RBFOX1: variants seen among roughly 807,000 people sequenced by gnomAD.
The protein encoded by RBFOX1 is RNA binding fox-1 homolog 1, also known as RNA binding protein fox-1 homolog 1.
In RBFOX1, 8 loss-of-function variants were observed where a neutral mutation model predicts 57.7. The observed-to-expected ratio is 0.14, with a 90% CI of 0.08 to 0.25. The LOEUF is 0.25. Among genes scored for constraint, RBFOX1 ranks in the 10% least tolerant of loss-of-function variants. RBFOX1 has a pLI of 1.00. For synonymous variants in RBFOX1, 326 were observed against 222.4 expected, an observed-to-expected ratio of 1.47 and a Z score of -4.15; for missense variants, 611 against 548.5, an observed-to-expected ratio of 1.11 and a Z score of -1.14.
At position 7,304,205 on chromosome 16, in the gene RBFOX1, A is replaced by G; in HGVS notation, c.28-213942A>G. 3.5e-6 allele frequency: 3 copies of G among 859,508 alleles called. No homozygotes were observed. In the South Asian group the frequency reaches 1.8e-4, roughly 51 times the overall value. The allele number at this position is 859,508 out of a possible 1,614,324, so 53.2% of individuals were successfully genotyped here. On this transcript the variant is annotated intron_variant, in intron 4 of 15. Transcript: ENST00000550418. ...GGAGGAAAGAGGGGGAGAGAGACAG[A>G]GAGAGAGACAGAGAGAGAGAGAGAG...
chr16:7,220,888 A>G (rs1000215990), intron 4 of RBFOX1, among the ~76,000 whole-genome samples: 20 of 152,032 alleles, frequency 1.3e-4, no homozygotes, highest in African/African-American at 4.8e-4. Context: ...GACTCAGGAT[A>G]CTTCTGGGAC....
intron 1 of RBFOX1, among the ~76,000 whole-genome samples, chr16:6,229,885 G>A (rs575106959): frequency 2.6e-5 from 4 of 151,942 alleles, no homozygotes; most frequent in African/African-American, 4.8e-5. Flanking sequence ...GTAGCATATC[G>A]CATGTCTTAG....
At chr16:5,598,910 G>A in exon 3 of RBFOX1, 1 of 1,523,990 alleles carries the variant, frequency 6.6e-7, no homozygotes, top group East Asian at 2.5e-5. Flanking sequence ...AGGACTACAA[G>A]TCTGAAAATT....
At position 5,732,677 on chromosome 16, in the gene RBFOX1, A is replaced by G. The variant is rs560007475; in HGVS notation, c.318+133716A>G. Among the ~76,000 whole-genome samples, 9 of 152,306 alleles carry G rather than the reference A, an allele frequency of 5.9e-5. 1 individual carries two copies. In the South Asian group the frequency reaches 1.7e-3, roughly 28 times the overall value. On this transcript the variant is annotated intron_variant, in intron 3 of 19. Transcript: ENST00000641259. ...CTACCTTCTATGTAGTCTTTAGTTA[A>G]TCTAAGATCACATCTATCCATTTTT...
intron 1 of RBFOX1, among the ~76,000 whole-genome samples, chr16:6,050,739 G>T (rs1418238977): frequency 6.6e-6 from 1 of 151,966 alleles, no homozygotes; most frequent in African/African-American, 2.4e-5. Flanking sequence ...AGGATAGTCA[G>T]GGGGTATAGT....
Position 7,550,245 on chromosome 16 carries a change from C to T in RBFOX1, c.271-29532C>T, listed in dbSNP as rs565908674. On this transcript the variant is annotated intron_variant, in intron 5 of 15. Transcript: ENST00000550418. Reference sequence around the variant, plus strand: ...TACCCTTCTCCTGAGTGAGTTCCTCCAGAGTCTTTTTTTTTTTTGGCTGGG... The same window carrying T: ...TACCCTTCTCCTGAGTGAGTTCCTCTAGAGTCTTTTTTTTTTTTGGCTGGG... 5.1e-5 allele frequency among the ~76,000 whole-genome samples: 5 copies of T among 97,214 alleles called. No individual in the cohort carries two copies. The East Asian group carries it at 1.1e-3, about 21-fold the overall frequency. 63.8% of individuals were successfully genotyped at this position (97,214 alleles called of 152,430 possible). A position where few individuals can be genotyped will look rare whatever the true frequency, so the allele number is the denominator to read the frequency against.
At chr16:5,822,838 G>A (rs1351759240) in intron 3 of RBFOX1, among the ~76,000 whole-genome samples, 1 of 152,178 alleles carries the variant, frequency 6.6e-6, no homozygotes, top group Non-Finnish European at 1.5e-5. Flanking sequence ...GCTCTGCCAT[G>A]CACATCTTTG....
intron 3 of RBFOX1, among the ~76,000 whole-genome samples, chr16:5,856,604 T>TATATATATATATATA (rs776623035): frequency 8.8e-5 from 6 of 68,104 alleles, no homozygotes; most frequent in South Asian, 6.0e-4. Flanking sequence ...TATATATATA[T>TATATATATATATATA]AATCTTAGCC....
intron 1 of RBFOX1, among the ~76,000 whole-genome samples, chr16:5,465,851 C>T (rs585351): frequency 0.037 from 5,601 of 152,290 alleles, 216 homozygotes; most frequent in African/African-American, 0.097. Context: ...ATGTGGCTTT[C>T]TCCAGAATGG....
chr16:5,290,464 A>T (rs2063506252), intron 1 of RBFOX1, among the ~76,000 whole-genome samples: 1 of 152,158 alleles, frequency 6.6e-6, no homozygotes, highest in Non-Finnish European at 1.5e-5. Context: ...ATTGATCCTG[A>T]TGGTGGTTGC....
chr16:7,015,116 G>A (rs147757762), intron 3 of RBFOX1, among the ~76,000 whole-genome samples: 2 of 152,194 alleles, frequency 1.3e-5, no homozygotes, highest in African/African-American at 4.8e-5. Flanking sequence ...CTGAGACAGA[G>A]TTAAGGGTCA....
intron 1 of RBFOX1, among the ~76,000 whole-genome samples, chr16:6,117,275 C>T (rs1307648810): frequency 6.6e-6 from 1 of 151,380 alleles, no homozygotes; most frequent in African/African-American, 2.4e-5. Flanking sequence ...TGGAAGTATG[C>T]TAAACGTACA....
intron 4 of RBFOX1, among the ~76,000 whole-genome samples, chr16:5,983,141 G>T (rs2060207693): frequency 6.6e-6 from 1 of 152,166 alleles, no homozygotes; most frequent in African/African-American, 2.4e-5. Flanking sequence ...CATTCTCCCA[G>T]CTCTGCGTCC....
intron 3 of RBFOX1, among the ~76,000 whole-genome samples, chr16:5,687,059 T>C (rs116889016): frequency 6.6e-6 from 1 of 152,310 alleles, no homozygotes; most frequent in Non-Finnish European, 1.5e-5. Context: ...TCATATTGGC[T>C]AAGAATCAAA....
chr16:6,847,471 G>C (rs532852831), intron 3 of RBFOX1, among the ~76,000 whole-genome samples: 1 of 152,056 alleles, frequency 6.6e-6, no homozygotes, highest in Non-Finnish European at 1.5e-5. Context: ...GCCACAGGGG[G>C]TGGGCTGGAA....
intron 2 of RBFOX1, among the ~76,000 whole-genome samples, chr16:6,471,816 G>A (rs951409075): frequency 6.6e-6 from 1 of 152,176 alleles, no homozygotes; most frequent in South Asian, 2.1e-4. Flanking sequence ...TGTGTCTGGA[G>A]ATTCTAGCAG....
intron 3 of RBFOX1, among the ~76,000 whole-genome samples, chr16:6,906,406 C>T (rs1487301996): frequency 6.6e-6 from 1 of 151,966 alleles, no homozygotes; most frequent in East Asian, 1.9e-4. Context: ...ATAAACAATG[C>T]TGGAAGAAAA....
intron 13 of RBFOX1, among the ~76,000 whole-genome samples, chr16:7,668,074 A>G (rs2070003411): frequency 6.6e-6 from 1 of 152,152 alleles, no homozygotes; most frequent in Non-Finnish European, 1.5e-5. Flanking sequence ...CCTGCTCAAA[A>G]TGTTCTCCAT....
chr16:6,290,734 C>T (rs918845119), intron 1 of RBFOX1, among the ~76,000 whole-genome samples: 1 of 152,098 alleles, frequency 6.6e-6, no homozygotes, highest in Non-Finnish European at 1.5e-5. Context: ...GTAAAATGCA[C>T]AGTTTCAAAT....
Sources: allele counts gnomAD v4.1 joint callset (sites outside exome capture counted in the v4.1 genomes callset), GRCh38; gene constraint gnomAD v4.1.1; transcripts MANE v1.5; gene names NCBI Gene and HGNC (gene_info 2026-07-23, HGNC 2026-07-21).